The following MLXIP variants were observed in gnomAD, a reference collection of about 807,000 sequenced individuals.
MLXIP encodes MLX-interacting protein.
MLXIP carries 30 observed loss-of-function variants against 87.2 expected under a neutral mutation model. The ratio of observed to expected loss-of-function variants is 0.34; its 90% CI spans 0.26 to 0.47. The LOEUF is 0.47. MLXIP is among the 20% of genes least tolerant of loss of function. The pLI, the probability that MLXIP is intolerant of heterozygous loss-of-function variation, is 1.00. For missense variants in MLXIP, 1,002 were observed against 1,240.1 expected (o/e 0.81, Z 2.88); for synonymous variants, 530 against 514.0 (o/e 1.03, Z -0.42).
In MLXIP at chr12:122,133,953, G is replaced by A; in HGVS notation, c.1698G>A (p.Val566=). ...TGCCTGCTCCCAAACCAGAGCCCGT[G>A]TCCTTGGTGTTGAAGAATGCCCGTA... ...KIVPAPKPEP[V]SLVLKNARIA... Residue 566 remains valine, a synonymous_variant, in exon 9 of 17, where the codon GTG becomes GTA. Transcript: ENST00000319080. The surrounding 1 kb of genome is among the most constrained non-coding windows in gnomAD (Gnocchi z 4.9). 1 of 1,605,736 alleles carries A rather than the reference G, an allele frequency of 6.2e-7. No individual in the cohort carries two copies. The highest frequency in any genetic ancestry group is 8.5e-7 in the Non-Finnish European group (1 of 1,176,152).
chr12:122,097,630 A>C (rs1952374766), intron 1 of MLXIP, among the ~76,000 whole-genome samples: 2 of 148,274 alleles, frequency 1.3e-5, no homozygotes, highest in South Asian at 4.3e-4. Flanking sequence ...AAAAAAAAGT[A>C]ATTAATTAAT....
chr12:122,140,585 C>T (rs906929592), intron 15 of MLXIP, among the ~76,000 whole-genome samples: 1 of 152,150 alleles, frequency 6.6e-6, no homozygotes, highest in African/African-American at 2.4e-5. Flanking sequence ...TGAGCCACCG[C>T]GCCCGGCTGG....
At chr12:122,093,530 G>T (rs922800283) in intron 1 of MLXIP, among the ~76,000 whole-genome samples, 1 of 141,870 alleles carries the variant, frequency 7.0e-6, no homozygotes, top group African/African-American at 2.7e-5. Context: ...GAGGGTGTGT[G>T]TGTTGGTTTG....
chr12:122,094,300 TGTGTGTG>T (rs1460523533), intron 1 of MLXIP, among the ~76,000 whole-genome samples: 81 of 135,600 alleles, frequency 6.0e-4, no homozygotes, highest in Middle Eastern at 4.7e-3. Flanking sequence ...GGTGTGATGG[TGTGTGTG>T]GTGTGTGGTG....
intron 1 of MLXIP, among the ~76,000 whole-genome samples, chr12:122,095,001 CTG>C (rs1356891261): frequency 0.52 from 68,138 of 131,036 alleles, 16,827 homozygotes; most frequent in Admixed American, 0.59. Flanking sequence ...TGTGCGGTGT[CTG>C]TGTGGTGTGG....
chr12:122,127,414 G>A, intron 2 of MLXIP, 52 bp downstream of exon 2: 1 of 1,349,504 alleles, frequency 7.4e-7, no homozygotes, highest in Non-Finnish European at 1.0e-6. Flanking sequence ...TCACGGCCTG[G>A]AGGCCTGGGC....
At chr12:122,084,507 A>G (rs1246827532) in intron 1 of MLXIP, among the ~76,000 whole-genome samples, 1 of 152,116 alleles carries the variant, frequency 6.6e-6, no homozygotes, top group Non-Finnish European at 1.5e-5. Context: ...ATTCACACAG[A>G]CTGAACATTT....
At chr12:122,123,457 T>A (rs1952817890) in intron 1 of MLXIP, among the ~76,000 whole-genome samples, 1 of 152,218 alleles carries the variant, frequency 6.6e-6, no homozygotes, top group Non-Finnish European at 1.5e-5. Flanking sequence ...TCTGTGTTGC[T>A]GCTGAAGTCT....
At chr12:122,113,688 T>TTTTTTC (rs1305956417) in intron 1 of MLXIP, among the ~76,000 whole-genome samples, 2 of 134,210 alleles carry the variant, frequency 1.5e-5, no homozygotes, top group African/African-American at 5.7e-5. Flanking sequence ...TTTCTTTTTT[T>TTTTTTC]TTTTTTTTTT....
At position 122,084,892 on chromosome 12, in the gene MLXIP, A is replaced by T. The variant is rs1952143658; in HGVS notation, c.413+5626A>T. On this transcript the variant is annotated intron_variant, in intron 1 of 16. Coordinates refer to ENST00000319080, the MANE Select transcript of MLXIP (RefSeq NM_014938.6). Reference sequence around the variant, plus strand: ...AACTCACACAACAACCCTGTCAGGTAGGTGGTGGTGGAATCCTCATTTTAA... The same window carrying T: ...AACTCACACAACAACCCTGTCAGGTTGGTGGTGGTGGAATCCTCATTTTAA... Among the ~76,000 whole-genome samples, 3 of 152,342 alleles carry T rather than the reference A, an allele frequency of 2.0e-5. 1 individual carries two copies. The highest frequency in any genetic ancestry group is 3.9e-4 in the East Asian group (2 of 5,192).
At chr12:122,118,488 A>G (rs1423364721) in intron 1 of MLXIP, among the ~76,000 whole-genome samples, 1 of 152,182 alleles carries the variant, frequency 6.6e-6, no homozygotes. Flanking sequence ...TTATGTATCC[A>G]TCTTGGCTGT....
intron 1 of MLXIP, among the ~76,000 whole-genome samples, chr12:122,092,074 CTTTTTCTTTTCTTTTCTTTTCT>C (rs1952253336): frequency 6.6e-6 from 1 of 151,518 alleles, no homozygotes; most frequent in South Asian, 2.1e-4. Context: ...CTTTTTCTTT[CTTTTTCTTTTCTTTTCTTTTCT>C]TTTTTCTTTT....
intron 1 of MLXIP, among the ~76,000 whole-genome samples, chr12:122,096,113 T>C (rs1370968783): frequency 3.3e-5 from 5 of 152,018 alleles, no homozygotes; most frequent in Admixed American, 6.6e-5. Context: ...GGTCTCACTT[T>C]GTTGCCTAGG....
chr12:122,134,904 C>A, intron 9 of MLXIP: 1 of 352,710 alleles, frequency 2.8e-6, no homozygotes, highest in Non-Finnish European at 5.5e-6. Context: ...GAACTCCTGA[C>A]CTCTGGTGAT....
At chr12:122,140,561 TG>T (rs1322558340) in intron 15 of MLXIP, among the ~76,000 whole-genome samples, 1 of 152,174 alleles carries the variant, frequency 6.6e-6, no homozygotes, top group Non-Finnish European at 1.5e-5. Flanking sequence ...CCCAAAGTGC[TG>T]GGATTATAGA....
chr12:122,132,791 T>C (rs1953004177), intron 8 of MLXIP: 1 of 188,194 alleles, frequency 5.3e-6, no homozygotes. Flanking sequence ...CTGAGTGAGG[T>C]ACCATTCTTT....
intron 1 of MLXIP, among the ~76,000 whole-genome samples, chr12:122,115,046 C>T (rs1362111300): frequency 1.3e-5 from 2 of 151,934 alleles, no homozygotes; most frequent in Non-Finnish European, 2.9e-5. Context: ...CGCACCCAGC[C>T]AGGAAGACTA....
rs374949442 is a variant in MLXIP at position 122,115,093 on chromosome 12, A to T, written c.414-12163A>T. ...CACAATATTATCACCAAAATGTAAC[A>T]GGTTATTTCTAGGTGGCGGAATTGA... On this transcript the variant is annotated intron_variant, in intron 1 of 16. Transcript: ENST00000319080. Among the ~76,000 whole-genome samples the T allele has an allele frequency of 5.3e-5, 8 of 151,676 alleles. No homozygotes were observed. In the East Asian group the frequency reaches 9.7e-4, roughly 18 times the overall value.
At chr12:122,095,170 G>C (rs1367290238) in intron 1 of MLXIP, among the ~76,000 whole-genome samples, 1 of 105,518 alleles carries the variant, frequency 9.5e-6, no homozygotes, top group Non-Finnish European at 2.3e-5. Context: ...TGTGTGTGGT[G>C]AGTGCGGTGT....
Sources: allele counts gnomAD v4.1 joint callset (sites outside exome capture counted in the v4.1 genomes callset), GRCh38; gene constraint gnomAD v4.1.1; non-coding constraint Gnocchi (gnomAD v3.1); transcripts MANE v1.5; gene names NCBI Gene and HGNC (gene_info 2026-07-23, HGNC 2026-07-21).